MARCHF7: variants seen among roughly 807,000 people sequenced by gnomAD.
MARCHF7 encodes the protein membrane associated ring-CH-type finger 7.
A neutral mutation model predicts 76.5 loss-of-function variants in MARCHF7; 20 were observed. That is an observed-to-expected ratio of 0.26 (90% confidence interval 0.18 to 0.38). MARCHF7 has a LOEUF of 0.38. MARCHF7 is among the 10% of genes least tolerant of loss of function. The probability of loss-of-function intolerance (pLI) is 1.00; values close to 1 mark genes in which losing one functional copy is unlikely to be tolerated. For synonymous variants in MARCHF7, 295 were observed against 293.0 expected (o/e 1.01, Z -0.07); for missense variants, 797 against 812.9 (o/e 0.98, Z 0.24).
intron 7 of MARCHF7, 81 bp downstream of exon 7, chr2:159,748,984 T>C (rs1228388715): frequency 6.3e-6 from 8 of 1,276,194 alleles, no homozygotes; most frequent in African/African-American, 3.2e-5. Flanking sequence ...TTTTCTTTTT[T>C]TTTTTTTTTT....
At chr2:159,766,884 A>G (rs1325449205) in intron 11 of MARCHF7, among the ~76,000 whole-genome samples, 1 of 152,126 alleles carries the variant, frequency 6.6e-6, no homozygotes, top group Admixed American at 6.5e-5. Context: ...GATGCACCAA[A>G]CATGCAGCGG....
intron 9 of MARCHF7, among the ~76,000 whole-genome samples, chr2:159,762,174 A>C (rs1416258325): frequency 6.6e-6 from 1 of 152,214 alleles, no homozygotes; most frequent in Non-Finnish European, 1.5e-5. Context: ...AACTTTTGTT[A>C]TCTCTCCCTT....
chr2:159,744,432 A>G (rs756129379), intron 5 of MARCHF7, among the ~76,000 whole-genome samples: 7 of 152,346 alleles, frequency 4.6e-5, no homozygotes, highest in African/African-American at 9.6e-5. Flanking sequence ...ACTGAGACAC[A>G]TATTTTTCAC....
At chr2:159,764,487 TA>T (rs530904981) in intron 10 of MARCHF7, 138 bp from the exon 11 acceptor site, 100 of 462,834 alleles carry the variant, frequency 2.2e-4, no homozygotes, top group African/African-American at 1.6e-3. Flanking sequence ...TTTTTGATGT[TA>T]GGGGGAGAAA....
chr2:159,746,876 CTTTA>C (rs554310334), intron 6 of MARCHF7, among the ~76,000 whole-genome samples: 45 of 150,890 alleles, frequency 3.0e-4, no homozygotes, highest in South Asian at 4.2e-4. Flanking sequence ...TGGGGGAAAT[CTTTA>C]TTTATGACAA....
chr2:159,765,906 T>A (rs1707709883), intron 11 of MARCHF7, among the ~76,000 whole-genome samples: 1 of 152,138 alleles, frequency 6.6e-6, no homozygotes, highest in South Asian at 2.1e-4. Flanking sequence ...AAAGGTCTCT[T>A]CTTTGTTTTT....
At chr2:159,726,833 A>G (rs1411211585) in intron 3 of MARCHF7, among the ~76,000 whole-genome samples, 1 of 152,168 alleles carries the variant, frequency 6.6e-6, no homozygotes, top group African/African-American at 2.4e-5. Flanking sequence ...TTCTTTCTCT[A>G]TGATTTGACT....
intron 7 of MARCHF7, among the ~76,000 whole-genome samples, chr2:159,750,565 G>T (rs1425684052): frequency 6.6e-6 from 1 of 151,802 alleles, no homozygotes; most frequent in African/African-American, 2.4e-5. Context: ...TTAAATGCAG[G>T]GCATAGAATC....
rs551485842 is a variant in MARCHF7 at position 159,743,121 on chromosome 2, A to G, written c.214A>G (p.Ile72Val). The change falls in exon 5 of 12, where the codon ATA becomes GTA. Residue 72 changes from isoleucine to valine, a missense_variant. By Grantham distance (29) the Ile-to-Val change is conservative (BLOSUM62 3). Transcript: ENST00000409175. ...ATCTGCATGGTATAGTGAATCTGAG[A>G]TAACTCAGGGAGCACGCTCAAGATC... ...FQSAWYSESE[I>V]TQGARSRSQN... 10 of 1,614,232 alleles carry G rather than the reference A, an allele frequency of 6.2e-6. No homozygotes were observed. The East Asian group carries it at 2.2e-4, about 36-fold the overall frequency.
chr2:159,724,487 T>G (rs1701953885), intron 3 of MARCHF7, among the ~76,000 whole-genome samples: 1 of 152,230 alleles, frequency 6.6e-6, no homozygotes, highest in African/African-American at 2.4e-5. Context: ...ATTATAACTC[T>G]CTAGATAATT....
At position 159,748,538 on chromosome 2, in the gene MARCHF7, T is replaced by A; in HGVS notation, c.1248T>A (p.Asp416Glu). The A allele has an allele frequency of 6.2e-7, 1 of 1,614,228 alleles. No homozygotes were observed. Among genetic ancestry groups the A allele is most frequent in the East Asian group, 2.2e-5 (1 of 44,888 alleles). ...AATCTTCAAGGATACCTACCTCTGA[T>A]ACATCATCTAGATCTCATATTTTTA... ...RDESSRIPTS[D>E]TSSRSHIFRR... The change falls in exon 7 of 12, where the codon GAT (aspartate) becomes GAA (glutamate). Residue 416 changes from aspartate to glutamate, a missense_variant. This residue lies in a region of MARCHF7 where 643 missense variants were observed against 631.5 expected (regional missense o/e 1.02). Transcript: ENST00000409175.
intron 3 of MARCHF7, among the ~76,000 whole-genome samples, chr2:159,724,275 T>C (rs1324415688): frequency 6.6e-6 from 1 of 152,210 alleles, no homozygotes; most frequent in Non-Finnish European, 1.5e-5. Flanking sequence ...GACCCATTTT[T>C]TCCACTCTAG....
At chr2:159,750,399 C>T (rs1705490754) in intron 7 of MARCHF7, among the ~76,000 whole-genome samples, 1 of 152,134 alleles carries the variant, frequency 6.6e-6, no homozygotes, top group Non-Finnish European at 1.5e-5. Flanking sequence ...GTGGCATGCA[C>T]CTGTAGTCGC....
intron 4 of MARCHF7, among the ~76,000 whole-genome samples, chr2:159,742,015 A>C (rs1704185476): frequency 6.6e-6 from 1 of 152,180 alleles, no homozygotes; most frequent in Non-Finnish European, 1.5e-5. Flanking sequence ...TGTCAATTAA[A>C]CCTAAATATT....
intron 4 of MARCHF7, among the ~76,000 whole-genome samples, chr2:159,741,984 A>G (rs1302035629): frequency 1.3e-5 from 2 of 152,178 alleles, no homozygotes; most frequent in African/African-American, 2.4e-5. Flanking sequence ...TACAATTTCA[A>G]TAATTGTGGT....
At chr2:159,730,458 AAAAC>A (rs1440626578) in intron 4 of MARCHF7, among the ~76,000 whole-genome samples, 24 of 152,134 alleles carry the variant, frequency 1.6e-4, no homozygotes, top group African/African-American at 3.4e-4. Flanking sequence ...ACTGAAGTAA[AAAAC>A]AAAACAAAAC....
chr2:159,740,401 C>A (rs1703992328), intron 4 of MARCHF7, among the ~76,000 whole-genome samples: 1 of 152,096 alleles, frequency 6.6e-6, no homozygotes, highest in Non-Finnish European at 1.5e-5. Context: ...TCCTTTATTC[C>A]TTTTTTAAAA....
At chr2:159,738,827 C>T (rs1703776943) in intron 4 of MARCHF7, among the ~76,000 whole-genome samples, 1 of 152,216 alleles carries the variant, frequency 6.6e-6, no homozygotes, top group Non-Finnish European at 1.5e-5. Flanking sequence ...GGTAGGGTTT[C>T]ACTAGGGACC....
At chr2:159,737,937 T>C (rs2125495316) in intron 4 of MARCHF7, among the ~76,000 whole-genome samples, 1 of 152,354 alleles carries the variant, frequency 6.6e-6, no homozygotes, top group Admixed American at 6.5e-5. Flanking sequence ...TGGCTGGTGG[T>C]GCCTTTGCCC....
Sources: allele counts gnomAD v4.1 joint callset (sites outside exome capture counted in the v4.1 genomes callset), GRCh38; gene constraint gnomAD v4.1.1; regional missense constraint gnomAD v4.1.1; transcripts MANE v1.5; gene names NCBI Gene and HGNC (gene_info 2026-07-23, HGNC 2026-07-21).